Variants in CSNK1G2 observed in about 807,000 individuals in gnomAD.
CSNK1G2 encodes the protein casein kinase 1 gamma 2.
Under a neutral mutation model 48.0 loss-of-function variants are expected in CSNK1G2, and 11 were observed. That is an observed-to-expected ratio of 0.23 (90% CI 0.14 to 0.38). The LOEUF (loss-of-function observed/expected upper bound fraction) is 0.38, where lower values mean the gene tolerates loss of function less well. Among genes scored for constraint, CSNK1G2 ranks in the 10% least tolerant of loss-of-function variants. CSNK1G2 has a pLI of 1.00. For missense variants in CSNK1G2, 446 were observed against 595.5 expected (o/e 0.75, Z 2.61); for synonymous variants, 337 against 254.1 (o/e 1.33, Z -3.10).
Position 1,980,346 on chromosome 19 carries a change from T to A in CSNK1G2, c.*143T>A. On this transcript the variant is annotated 3_prime_UTR_variant, in exon 12 of 12. Coordinates refer to ENST00000255641, the MANE Select transcript of CSNK1G2 (RefSeq NM_001319.7). ...GAACGCAGACTGCAGGGGCCGCGCC[T>A]GGCTCAGGCGGCCCCACCCCCGGGA... 9.8e-7 allele frequency: 1 copy of A among 1,021,916 alleles called. No individual in the cohort carries two copies. Among genetic ancestry groups the A allele is most frequent in the Non-Finnish European group, 1.5e-6 (1 of 676,642 alleles). The allele number at this position is 1,021,916 out of a possible 1,614,324, so 63.3% of individuals were successfully genotyped here.
In CSNK1G2 at chr19:1,950,519, T is replaced by C. The variant is rs558908320; in HGVS notation, c.-266+9101T>C. 5.0e-4 allele frequency among the ~76,000 whole-genome samples: 73 copies of C among 147,074 alleles called. 8 individuals are homozygous for C. In the South Asian group the frequency reaches 0.012, roughly 24 times the overall value. On this transcript the variant is annotated intron_variant, in intron 1 of 11. Transcript: ENST00000255641. Reference sequence around the variant, plus strand: ...ACATTACAGCAACATCTGAAGAAGATGTTCTTTCACAAACCTCAGATTCCA... The same window carrying C: ...ACATTACAGCAACATCTGAAGAAGACGTTCTTTCACAAACCTCAGATTCCA...
intron 2 of CSNK1G2, among the ~76,000 whole-genome samples, chr19:1,971,023 C>T (rs887719122): frequency 1.3e-5 from 2 of 152,306 alleles, no homozygotes; most frequent in South Asian, 4.1e-4. Context: ...TGGGCTGTGG[C>T]GGCCTGGACC....
rs553820934 is a variant in CSNK1G2 at position 1,973,973 on chromosome 19, C to T, written c.187+4014C>T. 1.7e-3 allele frequency among the ~76,000 whole-genome samples: 255 copies of T among 152,116 alleles called. 2 individuals carry two copies. The highest frequency in any genetic ancestry group is 5.7e-3 in the African/African-American group (236 of 41,516). On this transcript the variant is annotated intron_variant, in intron 2 of 11. Coordinates refer to ENST00000255641, the MANE Select transcript of CSNK1G2 (RefSeq NM_001319.7). ...TACTATCTTGGCTCACCACAACCTC[C>T]GCCTCCCGGGTTCAAGCAATTCTCC...
Position 1,957,109 on chromosome 19 carries a change from C to T in CSNK1G2, c.-265-12399C>T, listed in dbSNP as rs187742436. On this transcript the variant is annotated intron_variant, in intron 1 of 11. Coordinates refer to ENST00000255641, the MANE Select transcript of CSNK1G2 (RefSeq NM_001319.7). This position sits in a 1 kb window ranked among gnomAD's most constrained non-coding sequence, Gnocchi z 5.4. ...CGGAGATTGGTGGGCGGGATTGGGC[C>T]TCTGGGGTCCCCGGCTGTGGAGAGG... is the stretch of plus-strand genomic sequence containing the variant. 1.1e-4 allele frequency among the ~76,000 whole-genome samples: 17 copies of T among 152,282 alleles called. 1 individual carries two copies. The East Asian group carries it at 2.7e-3, about 24-fold the overall frequency.
intron 1 of CSNK1G2, among the ~76,000 whole-genome samples, chr19:1,965,027 A>G (rs2015321089): frequency 1.3e-5 from 2 of 148,692 alleles, no homozygotes; most frequent in South Asian, 4.4e-4. Flanking sequence ...CGCCTGGCCA[A>G]AAAGATTTCT....
intron 1 of CSNK1G2, among the ~76,000 whole-genome samples, chr19:1,960,678 G>C (rs775058585): frequency 5.9e-5 from 9 of 152,082 alleles, no homozygotes; most frequent in Non-Finnish European, 1.3e-4. Context: ...ACTTGAAGTC[G>C]GGAGTTTGAG....
intron 1 of CSNK1G2, among the ~76,000 whole-genome samples, chr19:1,944,334 G>A (rs537574927): frequency 1.3e-5 from 2 of 152,142 alleles, no homozygotes; most frequent in Non-Finnish European, 2.9e-5. Context: ...GGGAGGCTCC[G>A]CGTCTGCTTC....
intron 1 of CSNK1G2, among the ~76,000 whole-genome samples, chr19:1,968,407 C>T (rs2015451519): frequency 6.6e-6 from 1 of 152,144 alleles, no homozygotes; most frequent in African/African-American, 2.4e-5. Flanking sequence ...TTGCTGGGGA[C>T]CGTCCTGCCT....
intron 1 of CSNK1G2, among the ~76,000 whole-genome samples, chr19:1,968,421 G>A (rs1356713899): frequency 6.6e-6 from 1 of 151,958 alleles, no homozygotes; most frequent in Non-Finnish European, 1.5e-5. Flanking sequence ...CCTGCCTCCC[G>A]TCGGGGCCTG....
chr19:1,979,656 G>C lies in CSNK1G2; in HGVS notation c.1002+13G>C. On this transcript the variant is annotated intron_variant, in intron 9 of 11. Transcript: ENST00000255641. Reference sequence around the variant, plus strand: ...CGGGAAGCCCCTGGTAGGTGGGGGGGTGCCGGTATGTGGGAGCGGGGGACC... The same window carrying C: ...CGGGAAGCCCCTGGTAGGTGGGGGGCTGCCGGTATGTGGGAGCGGGGGACC... The C allele has an allele frequency of 6.2e-7, 1 of 1,601,980 alleles. No homozygotes were observed. The highest frequency in any genetic ancestry group is 8.5e-7 in the Non-Finnish European group (1 of 1,179,766).
At position 1,978,687 on chromosome 19, in the gene CSNK1G2, C is replaced by T. The variant is rs141652429; in HGVS notation, c.384C>T (p.Asp128=). ...VLELLGPSLE[D]LFDLCDRTFT... Reference sequence around the variant, plus strand: ...AGCTGCTGGGGCCCAGCCTGGAGGACCTGTTCGACCTGTGCGACCGGACCT... The same window carrying T: ...AGCTGCTGGGGCCCAGCCTGGAGGATCTGTTCGACCTGTGCGACCGGACCT... The change falls in exon 5 of 12, where the codon GAC becomes GAT. Residue 128 remains aspartate (D), a synonymous_variant. Transcript: ENST00000255641. This position sits in a 1 kb window ranked among gnomAD's most constrained non-coding sequence, Gnocchi z 7.3. 6.2e-7 allele frequency: 1 copy of T among 1,606,808 alleles called. No individual in the cohort carries two copies. Among genetic ancestry groups the T allele is most frequent in the Non-Finnish European group, 8.5e-7 (1 of 1,177,062 alleles).
intron 1 of CSNK1G2, among the ~76,000 whole-genome samples, chr19:1,951,193 A>G (rs2014749618): frequency 6.9e-6 from 1 of 145,246 alleles, no homozygotes; most frequent in African/African-American, 2.7e-5. Context: ...CGAGGTCAGG[A>G]GATTGAGACC....
At chr19:1,950,040 C>G (rs1038007264) in intron 1 of CSNK1G2, among the ~76,000 whole-genome samples, 1 of 152,228 alleles carries the variant, frequency 6.6e-6, no homozygotes, top group Non-Finnish European at 1.5e-5. Flanking sequence ...ACAGAGTGAC[C>G]GGTAGGCCCC....
Position 1,980,176 on chromosome 19 carries a change from G to C in CSNK1G2, c.1221G>C (p.Lys407Asn), listed in dbSNP as rs757671967. Residue 407 changes from lysine (K) to asparagine (N), a missense_variant, in exon 12 of 12, where the codon AAG (lysine) becomes AAC (asparagine). Lys to Asn is a moderately conservative substitution (Grantham distance 94, BLOSUM62 0). Transcript: ENST00000255641. Reference protein sequence around the residue: ...TKCCCFFKRRKRKSLQRHK With the variant: ...TKCCCFFKRRNRKSLQRHK ...GCTGCTGTTTCTTCAAGAGGAGAAAGAGAAAATCGCTGCAGCGACACAAGT... is the reference window on the plus strand; with the variant it reads ...GCTGCTGTTTCTTCAAGAGGAGAAACAGAAAATCGCTGCAGCGACACAAGT... 3 of 1,612,968 alleles carry C rather than the reference G, an allele frequency of 1.9e-6. No individual in the cohort carries two copies. The highest frequency in any genetic ancestry group is 2.2e-5 in the East Asian group (1 of 44,850).
At chr19:1,955,824 A>G (rs1486409541) in intron 1 of CSNK1G2, among the ~76,000 whole-genome samples, 1 of 152,166 alleles carries the variant, frequency 6.6e-6, no homozygotes, top group Non-Finnish European at 1.5e-5. Flanking sequence ...TCTGCAGGGC[A>G]CAGTGGGGTT....
chr19:1,980,079 G>A, intron 11 of CSNK1G2, 62 bp downstream of exon 11: 1 of 1,600,160 alleles, frequency 6.2e-7, no homozygotes, highest in Non-Finnish European at 8.5e-7. Context: ...ATGGGGGTGG[G>A]AGGGCCTGAG....
chr19:1,952,980 A>G (rs747827817), intron 1 of CSNK1G2: 2 of 434,290 alleles, frequency 4.6e-6, no homozygotes, highest in Non-Finnish European at 9.0e-6. Context: ...GGGAAAAGGC[A>G]CTCCAGTCTG....
chr19:1,963,815 ATT>A (rs1163885585), intron 1 of CSNK1G2, among the ~76,000 whole-genome samples: 40 of 127,240 alleles, frequency 3.1e-4, no homozygotes, highest in Admixed American at 3.3e-4. Flanking sequence ...GCCTCTACAA[ATT>A]TTTTTTTTTT....
At chr19:1,948,540 CGCAAAAAAAAAAAA>C (rs1599282840) in intron 1 of CSNK1G2, among the ~76,000 whole-genome samples, 2 of 88,430 alleles carry the variant, frequency 2.3e-5, no homozygotes, top group Non-Finnish European at 5.3e-5. Context: ...AAAAAAAAAA[CGCAAAAAAAAAAAA>C]GATCCCGTCA....
Sources: gnomAD v4.1 joint callset for allele counts (sites outside exome capture counted in the v4.1 genomes callset) on GRCh38, gnomAD v4.1.1 for gene constraint, Gnocchi (gnomAD v3.1) non-coding constraint, MANE v1.5 for transcripts, NCBI Gene and HGNC (gene_info 2026-07-23, HGNC 2026-07-21) for gene names.